POU2F1: variants seen among roughly 807,000 people sequenced by gnomAD.
The protein encoded by POU2F1 is POU class 2 homeobox 1.
A neutral mutation model predicts 84.9 loss-of-function variants in POU2F1; 16 were observed. The ratio of observed to expected loss-of-function variants is 0.19; its 90% CI spans 0.13 to 0.29. POU2F1 has a LOEUF of 0.29. POU2F1 is among the 10% of genes least tolerant of loss of function. The pLI is 1.00. For synonymous variants in POU2F1, 368 were observed against 368.3 expected (o/e 1.00, Z 0.01); for missense variants, 738 against 942.6 (o/e 0.78, Z 2.84).
chr1:167,299,924 A>G (rs1422478946), intron 1 of POU2F1, among the ~76,000 whole-genome samples: 1 of 152,152 alleles, frequency 6.6e-6, no homozygotes, highest in Non-Finnish European at 1.5e-5. Context: ...ATTTCTAATA[A>G]GTTTCCAGGT....
In POU2F1 at chr1:167,412,218, G is replaced by T; in HGVS notation, c.1815G>T (p.Gln605His). ...CTGCTGCCCTTCAAGGAGCTGCACA[G>T]TTGCCAGCAAATGCCAGTCTTGCTG... ...AAAAALQGAA[Q>H]LPANASLAAM... The change falls in exon 14 of 16, where the codon CAG becomes CAT. Residue 605 changes from glutamine (Q) to histidine (H), a missense_variant. Physicochemically the swap from Gln to His is conservative, Grantham distance 24 (BLOSUM62 0). This residue lies in a region of POU2F1 where 319 missense variants were observed against 386.0 expected (regional missense o/e 0.83). Transcript: ENST00000367866. The T allele has an allele frequency of 1.2e-6, 2 of 1,609,988 alleles. No homozygotes were observed. The highest frequency in any genetic ancestry group is 2.2e-5 in the East Asian group (1 of 44,600).
At chr1:167,408,631 C>A (rs762056607) in intron 13 of POU2F1, among the ~76,000 whole-genome samples, 4 of 152,176 alleles carry the variant, frequency 2.6e-5, no homozygotes, top group Non-Finnish European at 4.4e-5. Context: ...TTGTATGATT[C>A]CATTTGTGTG....
intron 1 of POU2F1, among the ~76,000 whole-genome samples, chr1:167,330,167 A>T (rs1395469478): frequency 6.6e-6 from 1 of 152,156 alleles, no homozygotes; most frequent in Admixed American, 6.5e-5. Flanking sequence ...TGGAAAGTTA[A>T]ATGATATGAA....
Position 167,419,209 on chromosome 1 carries a change from G to T in POU2F1, c.*3399G>T, listed in dbSNP as rs1266451412. 6.6e-6 allele frequency: 1 copy of T among 152,152 alleles called. No individual in the cohort carries two copies. Among genetic ancestry groups the T allele is most frequent in the Non-Finnish European group, 1.5e-5 (1 of 68,024 alleles). 9.4% of individuals were successfully genotyped at this position (152,152 alleles called of 1,614,324 possible). A position where few individuals can be genotyped will look rare whatever the true frequency, so the allele number is the denominator to read the frequency against. On this transcript the variant is annotated 3_prime_UTR_variant, in exon 16 of 16. Coordinates refer to ENST00000367866, the MANE Select transcript of POU2F1 (RefSeq NM_002697.4). ...TAACTTTTAGCCACCTTATATGGGA[G>T]AGCCTGGAAACTAAAGGGGACCAGG...
intron 13 of POU2F1, among the ~76,000 whole-genome samples, chr1:167,403,530 G>A (rs895076723): frequency 1.3e-5 from 2 of 151,892 alleles, no homozygotes; most frequent in Non-Finnish European, 2.9e-5. Flanking sequence ...TTTCCTCTTT[G>A]GACTGTAACT....
intron 13 of POU2F1, among the ~76,000 whole-genome samples, chr1:167,403,846 A>T (rs1649371017): frequency 6.6e-6 from 1 of 152,242 alleles, no homozygotes; most frequent in South Asian, 2.1e-4. Flanking sequence ...TAGAAAGGTT[A>T]CATGGGAGGT....
At position 167,426,421 on chromosome 1, in the gene POU2F1, A is replaced by G. The variant is rs796391942; in HGVS notation, c.*10611A>G. The stretch of plus-strand genomic sequence containing the variant: ...ACTGCCTAGGTGTTCATAATAAAAA[A>G]GAAAATGAAAAAAGTTCTGAGTGTA... On this transcript the variant is annotated 3_prime_UTR_variant, in exon 16 of 16. Transcript: ENST00000367866. The G allele has an allele frequency of 2.0e-5, 3 of 152,006 alleles. No homozygotes were observed. The highest frequency in any genetic ancestry group is 4.8e-5 in the African/African-American group (2 of 41,246). 9.4% of individuals were successfully genotyped at this position (152,006 alleles called of 1,614,324 possible).
chr1:167,245,594 G>T (rs559979142), intron 1 of POU2F1, among the ~76,000 whole-genome samples: 1 of 152,066 alleles, frequency 6.6e-6, no homozygotes, highest in Admixed American at 6.6e-5. Flanking sequence ...TGTGTTTTTA[G>T]TAGAGACGGG....
chr1:167,245,891 TTTA>T (rs1650285091), intron 1 of POU2F1, among the ~76,000 whole-genome samples: 1 of 152,216 alleles, frequency 6.6e-6, no homozygotes, highest in Non-Finnish European at 1.5e-5. Context: ...GTGATAGGAT[TTTA>T]TTGTTTATGG....
chr1:167,359,621 G>A (rs1236910655), intron 2 of POU2F1, among the ~76,000 whole-genome samples: 1 of 152,192 alleles, frequency 6.6e-6, no homozygotes. Context: ...CTGCTGTTGT[G>A]AATAGTGCTG....
intron 1 of POU2F1, among the ~76,000 whole-genome samples, chr1:167,285,418 C>T (rs970209223): frequency 3.3e-5 from 5 of 152,114 alleles, no homozygotes; most frequent in Non-Finnish European, 7.4e-5. Flanking sequence ...TGGTGAAACC[C>T]AGTCTCTACT....
intron 5 of POU2F1, among the ~76,000 whole-genome samples, chr1:167,373,801 A>G (rs1571393100): frequency 6.6e-6 from 1 of 150,546 alleles, no homozygotes; most frequent in Admixed American, 6.6e-5. Flanking sequence ...ATGTATTTTC[A>G]TATCTTGTCA....
intron 13 of POU2F1, among the ~76,000 whole-genome samples, chr1:167,410,434 C>T (rs1649872880): frequency 6.6e-6 from 1 of 152,072 alleles, no homozygotes; most frequent in African/African-American, 2.4e-5. Flanking sequence ...ACAAAATTGC[C>T]TGAATTTGTA....
At chr1:167,279,009 G>A (rs1017497480) in intron 1 of POU2F1, among the ~76,000 whole-genome samples, 1 of 152,108 alleles carries the variant, frequency 6.6e-6, no homozygotes, top group African/African-American at 2.4e-5. Context: ...TAATTACACA[G>A]CTTAAAGATA....
At chr1:167,359,828 C>A (rs1165800657) in intron 2 of POU2F1, among the ~76,000 whole-genome samples, 2 of 142,782 alleles carry the variant, frequency 1.4e-5, no homozygotes, top group Admixed American at 7.0e-5. Context: ...TTTTTTTCAG[C>A]TTTGTCAACA....
intron 1 of POU2F1, among the ~76,000 whole-genome samples, chr1:167,259,352 A>G (rs1488687036): frequency 6.6e-6 from 1 of 152,222 alleles, no homozygotes; most frequent in African/African-American, 2.4e-5. Flanking sequence ...AATGGCATGG[A>G]TACAGGGAAG....
chr1:167,295,385 G>C (rs1295702138), intron 1 of POU2F1, among the ~76,000 whole-genome samples: 1 of 152,194 alleles, frequency 6.6e-6, no homozygotes, highest in Non-Finnish European at 1.5e-5. Context: ...GCAGCAACTT[G>C]GTTGGAGCTG....
chr1:167,367,452 A>C (rs911426764), intron 3 of POU2F1, among the ~76,000 whole-genome samples: 3 of 152,224 alleles, frequency 2.0e-5, no homozygotes, highest in African/African-American at 4.8e-5. Context: ...GTATGAGACT[A>C]CTGAGGAAGA....
intron 1 of POU2F1, among the ~76,000 whole-genome samples, chr1:167,239,731 T>A (rs1649761621): frequency 6.6e-6 from 1 of 152,158 alleles, no homozygotes. Flanking sequence ...ATGATTGAAA[T>A]TGATTTTTTA....
Sources: gnomAD v4.1 joint callset for allele counts (sites outside exome capture counted in the v4.1 genomes callset) on GRCh38, gnomAD v4.1.1 for gene constraint, gnomAD v4.1.1 regional missense constraint, MANE v1.5 for transcripts, NCBI Gene and HGNC (gene_info 2026-07-23, HGNC 2026-07-21) for gene names.